The following SCEL variants were observed in gnomAD, a reference collection of about 807,000 sequenced individuals.
The protein encoded by SCEL is sciellin.
In SCEL, 113 loss-of-function variants were observed where a neutral mutation model predicts 117.6. The ratio of observed to expected loss-of-function variants is 0.96; its 90% CI spans 0.83 to 1.12. SCEL has a LOEUF of 1.12. Ranked by LOEUF, SCEL falls within the 50% of genes most tolerant of loss-of-function variation. The pLI is 0.00. For missense variants in SCEL, 785 were observed against 810.8 expected, an observed-to-expected ratio of 0.97 and a Z score of 0.39; for synonymous variants, 270 against 256.2, an observed-to-expected ratio of 1.05 and a Z score of -0.51.
intron 24 of SCEL, 130 bp downstream of exon 24, chr13:77,614,085 A>G (rs1447975204): frequency 6.0e-5 from 45 of 756,026 alleles, no homozygotes; most frequent in Non-Finnish European, 9.5e-5. Flanking sequence ...GGAAACCTAG[A>G]TGTCTCAGTA....
chr13:77,538,506 GTGATTTT>G (rs1309879569), intron 1 of SCEL, among the ~76,000 whole-genome samples: 1 of 152,090 alleles, frequency 6.6e-6, no homozygotes, highest in African/African-American at 2.4e-5. Context: ...CCATGAACTT[GTGATTTT>G]GAAGCTCGGG....
At chr13:77,630,798 A>G (rs888861732) in intron 28 of SCEL, among the ~76,000 whole-genome samples, 2 of 152,224 alleles carry the variant, frequency 1.3e-5, no homozygotes, top group African/African-American at 4.8e-5. Flanking sequence ...TTAAGAAACA[A>G]AACTGTGACC....
chr13:77,592,011 T>C (rs1334827360), intron 11 of SCEL, among the ~76,000 whole-genome samples: 1 of 152,206 alleles, frequency 6.6e-6, no homozygotes, highest in African/African-American at 2.4e-5. Flanking sequence ...TGGATGTGTC[T>C]TCTTTTTCTC....
intron 28 of SCEL, among the ~76,000 whole-genome samples, chr13:77,633,909 A>C (rs1307374496): frequency 6.6e-6 from 1 of 152,232 alleles, no homozygotes; most frequent in Non-Finnish European, 1.5e-5. Flanking sequence ...AAAAGTCTAC[A>C]ATTTAAAAAA....
chr13:77,628,992 T>A (rs2089907752), intron 28 of SCEL, among the ~76,000 whole-genome samples: 1 of 152,166 alleles, frequency 6.6e-6, no homozygotes, highest in Non-Finnish European at 1.5e-5. Context: ...TACATTTAAC[T>A]AATCTCATTC....
chr13:77,639,647 T>A (rs573335050), intron 30 of SCEL, among the ~76,000 whole-genome samples: 2 of 152,334 alleles, frequency 1.3e-5, no homozygotes, highest in South Asian at 4.1e-4. Flanking sequence ...CTTATCCTTC[T>A]GTACCTGTTT....
At chr13:77,607,952 G>A in intron 19 of SCEL, 104 bp from the exon 20 acceptor site, 1 of 862,334 alleles carries the variant, frequency 1.2e-6, no homozygotes, top group Non-Finnish European at 1.8e-6. Context: ...CTCAATGAGT[G>A]TTTACACTGC....
intron 9 of SCEL, among the ~76,000 whole-genome samples, chr13:77,574,237 G>A (rs751055215): frequency 3.9e-5 from 6 of 152,208 alleles, no homozygotes; most frequent in East Asian, 3.9e-4. Flanking sequence ...GTTGTGGATC[G>A]GTTTGCACAG....
intron 10 of SCEL, 132 bp downstream of exon 10, chr13:77,589,356 C>T (rs1332728057): frequency 1.8e-6 from 1 of 562,156 alleles, no homozygotes. Flanking sequence ...GCCTGTAGAA[C>T]TTTTTCTAAT....
At position 77,556,658 on chromosome 13, in the gene SCEL, AGAAGAACTT is replaced by A. The variant is rs2084674133; in HGVS notation, c.107_115del (p.Arg36_Phe39delinsIle). 1.2e-6 allele frequency: 2 copies of A among 1,614,010 alleles called. No individual in the cohort carries two copies. The highest frequency in any genetic ancestry group is 3.3e-5 in the Admixed American group (2 of 60,000). The stretch of plus-strand genomic sequence containing the variant: ...GCAGGATTTTCACGAGGTGAACAAA[AGAAGAACTT>A]TCTTACAGGATAACAGTTGGATAAA... On this transcript the variant is annotated inframe_deletion, in exon 3 of 33. Transcript: ENST00000349847.
At chr13:77,536,979 T>G (rs2083448655) in intron 1 of SCEL, among the ~76,000 whole-genome samples, 1 of 152,276 alleles carries the variant, frequency 6.6e-6, no homozygotes, top group Non-Finnish European at 1.5e-5. Flanking sequence ...AAAATGTGAT[T>G]ACATTTAAAA....
chr13:77,544,889 G>A (rs2083908482), intron 1 of SCEL, among the ~76,000 whole-genome samples: 1 of 152,146 alleles, frequency 6.6e-6, no homozygotes, highest in African/African-American at 2.4e-5. Context: ...AATGTCCTTG[G>A]GCAGAAGCAG....
At chr13:77,596,386 A>G (rs1298039094) in intron 12 of SCEL, among the ~76,000 whole-genome samples, 1 of 152,158 alleles carries the variant, frequency 6.6e-6, no homozygotes, top group Non-Finnish European at 1.5e-5. Context: ...TAGTAATGAC[A>G]GGGCATTATT....
intron 1 of SCEL, among the ~76,000 whole-genome samples, chr13:77,551,415 G>T (rs114363479): frequency 1.3e-3 from 193 of 152,252 alleles, no homozygotes; most frequent in African/African-American, 4.4e-3. Flanking sequence ...TTTTCATAAG[G>T]ACTCCATAGT....
chr13:77,639,187 G>C (rs1234610622), intron 30 of SCEL, among the ~76,000 whole-genome samples: 1 of 152,106 alleles, frequency 6.6e-6, no homozygotes, highest in African/African-American at 2.4e-5. Flanking sequence ...GAAGGACATA[G>C]AGCACCTATT....
At chr13:77,551,054 C>G (rs2084290487) in intron 1 of SCEL, among the ~76,000 whole-genome samples, 1 of 152,210 alleles carries the variant, frequency 6.6e-6, no homozygotes, top group Non-Finnish European at 1.5e-5. Flanking sequence ...GCAGCCTAGT[C>G]TTGCAGTGAC....
At position 77,563,859 on chromosome 13, in the gene SCEL, G is replaced by T; in HGVS notation, c.250G>T (p.Ala84Ser). 6.2e-7 allele frequency: 1 copy of T among 1,600,550 alleles called. No homozygotes were observed. The highest frequency in any genetic ancestry group is 8.5e-7 in the Non-Finnish European group (1 of 1,175,770). ...AGTAAATGAGAGAGATGTGCCAAAA[G>T]CTACAATTAGTCGGTACAGTTCTGA... ...RKVNERDVPK[A>S]TISRYSSDDT... The change falls in exon 5 of 33, where the codon GCT (alanine) becomes TCT (serine). Residue 84 changes from alanine to serine, a missense_variant. Physicochemically the swap from Ala to Ser is moderately conservative, Grantham distance 99. Transcript: ENST00000349847.
At chr13:77,541,666 A>G (rs1229161325) in intron 1 of SCEL, among the ~76,000 whole-genome samples, 2 of 151,948 alleles carry the variant, frequency 1.3e-5, no homozygotes, top group African/African-American at 4.8e-5. Flanking sequence ...GCAAAGAAAA[A>G]CCCTGGAAGA....
chr13:77,564,195 T>A (rs1326469330), intron 5 of SCEL, among the ~76,000 whole-genome samples: 1 of 151,530 alleles, frequency 6.6e-6, no homozygotes, highest in Non-Finnish European at 1.5e-5. Context: ...ATATAGGTTT[T>A]TTTTTTTTTT....
Sources: allele counts gnomAD v4.1 joint callset (sites outside exome capture counted in the v4.1 genomes callset), GRCh38; gene constraint gnomAD v4.1.1; transcripts MANE v1.5; gene names NCBI Gene and HGNC (gene_info 2026-07-23, HGNC 2026-07-21).